The following SHISA6 variants were observed in gnomAD, a reference collection of about 807,000 sequenced individuals.
SHISA6 encodes protein shisa-6.
Under a neutral mutation model 47.9 loss-of-function variants are expected in SHISA6, and 22 were observed. That is an observed-to-expected ratio of 0.46 (90% CI 0.33 to 0.66). The LOEUF (loss-of-function observed/expected upper bound fraction) is 0.66, where lower values mean the gene tolerates loss of function less well. SHISA6 is among the 30% of genes least tolerant of loss of function. The probability of loss-of-function intolerance (pLI) is 0.02; values close to 1 mark genes in which losing one functional copy is unlikely to be tolerated. For missense variants in SHISA6, 680 were observed against 764.6 expected, an observed-to-expected ratio of 0.89 and a Z score of 1.30; for synonymous variants, 388 against 337.8, an observed-to-expected ratio of 1.15 and a Z score of -1.63.
chr17:11,535,734 T>G (rs964885252), intron 3 of SHISA6, among the ~76,000 whole-genome samples: 20 of 152,214 alleles, frequency 1.3e-4, no homozygotes, highest in African/African-American at 3.9e-4. Context: ...CAGGTTCAGC[T>G]ACTTATTTTT....
At chr17:11,372,872 T>A (rs1912673276) in intron 2 of SHISA6, among the ~76,000 whole-genome samples, 1 of 152,130 alleles carries the variant, frequency 6.6e-6, no homozygotes, top group South Asian at 2.1e-4. Flanking sequence ...GGGCACATAA[T>A]GCATTTCAAG....
chr17:11,417,234 G>T (rs938362672), intron 3 of SHISA6, among the ~76,000 whole-genome samples: 128 of 152,158 alleles, frequency 8.4e-4, no homozygotes, highest in African/African-American at 3.0e-3. Flanking sequence ...GTTTGACTGG[G>T]TTTTTTCAGA....
chr17:11,454,497 G>T (rs1043027297), intron 3 of SHISA6, among the ~76,000 whole-genome samples: 2 of 152,142 alleles, frequency 1.3e-5, no homozygotes, highest in African/African-American at 4.8e-5. Context: ...TCTGCATTCT[G>T]GCCCATGGCT....
chr17:11,442,559 A>G (rs969212655), intron 3 of SHISA6, among the ~76,000 whole-genome samples: 3 of 152,194 alleles, frequency 2.0e-5, no homozygotes, highest in African/African-American at 7.2e-5. Context: ...TGGGACTAAT[A>G]ATGGTACCTC....
At chr17:11,320,384 G>A (rs927512342) in intron 2 of SHISA6, among the ~76,000 whole-genome samples, 5 of 152,138 alleles carry the variant, frequency 3.3e-5, no homozygotes, top group African/African-American at 1.2e-4. Context: ...AAGAGGCTGG[G>A]TGCTGTGGCT....
At chr17:11,290,242 A>G (rs1342716826) in intron 2 of SHISA6, 4 of 152,154 alleles carry the variant, frequency 2.6e-5, no homozygotes, top group Non-Finnish European at 4.4e-5. Context: ...CATATGTACA[A>G]CTAATTTTTG....
chr17:11,550,472 G>A (rs987679362), intron 3 of SHISA6, among the ~76,000 whole-genome samples: 39 of 152,214 alleles, frequency 2.6e-4, no homozygotes, highest in Middle Eastern at 6.8e-3. Flanking sequence ...AATTGAGAGT[G>A]GAGCTAAAAG....
intron 3 of SHISA6, among the ~76,000 whole-genome samples, chr17:11,429,627 A>G (rs1597509070): frequency 1.3e-5 from 2 of 151,084 alleles, no homozygotes; most frequent in East Asian, 4.1e-4. Flanking sequence ...ACTTAAAAAA[A>G]AAAAAAAAAA....
At chr17:11,410,327 C>T (rs1223060914) in intron 3 of SHISA6, among the ~76,000 whole-genome samples, 1 of 152,140 alleles carries the variant, frequency 6.6e-6, no homozygotes, top group African/African-American at 2.4e-5. Context: ...TATCTTGTAC[C>T]AGCAGGTCCT....
At chr17:11,458,825 T>G (rs1158496937) in intron 3 of SHISA6, among the ~76,000 whole-genome samples, 1 of 152,124 alleles carries the variant, frequency 6.6e-6, no homozygotes, top group Non-Finnish European at 1.5e-5. Context: ...CCTCTCTGGG[T>G]CCCGATGTCT....
At chr17:11,539,712 T>G (rs933949308) in intron 3 of SHISA6, among the ~76,000 whole-genome samples, 4 of 152,228 alleles carry the variant, frequency 2.6e-5, no homozygotes, top group African/African-American at 9.6e-5. Flanking sequence ...GCAAACAGCC[T>G]TGGAGCTCAA....
At chr17:11,504,346 C>A (rs2071480131) in intron 3 of SHISA6, among the ~76,000 whole-genome samples, 1 of 152,162 alleles carries the variant, frequency 6.6e-6, no homozygotes, top group African/African-American at 2.4e-5. Flanking sequence ...TTTTAAAGCA[C>A]TCTGCAAAAT....
At chr17:11,464,117 A>G (rs564462657) in intron 3 of SHISA6, among the ~76,000 whole-genome samples, 2 of 152,078 alleles carry the variant, frequency 1.3e-5, no homozygotes, top group East Asian at 3.9e-4. Context: ...GGGTCTTGCT[A>G]TGTTGCCCAG....
chr17:11,366,878 T>C (rs543010234), intron 2 of SHISA6, among the ~76,000 whole-genome samples: 1 of 152,338 alleles, frequency 6.6e-6, no homozygotes, highest in South Asian at 2.1e-4. Flanking sequence ...CCATAAAAGA[T>C]ATGTTGAAGT....
chr17:11,384,824 TAG>T (rs1322037424), intron 3 of SHISA6, among the ~76,000 whole-genome samples: 28 of 149,614 alleles, frequency 1.9e-4, no homozygotes, highest in Non-Finnish European at 1.9e-4. Context: ...GGGTGGGAGT[TAG>T]AGAGAGAGAG....
rs533394293 is a variant in SHISA6 at position 11,543,393 on chromosome 17, A to G, written c.896-8503A>G. On this transcript the variant is annotated intron_variant, in intron 3 of 5. Coordinates refer to ENST00000441885, the MANE Select transcript of SHISA6 (RefSeq NM_207386.4). ...TGAGGATTGTGATGAGGTGAGACAC[A>G]TATGCAATCCCTAGAAGAGCCACTA... Among the ~76,000 whole-genome samples the G allele has an allele frequency of 2.0e-5, 3 of 152,318 alleles. No individual in the cohort carries two copies. The East Asian group carries it at 5.8e-4, about 29-fold the overall frequency.
At chr17:11,322,129 G>C (rs982645813) in intron 2 of SHISA6, among the ~76,000 whole-genome samples, 2 of 151,952 alleles carry the variant, frequency 1.3e-5, no homozygotes, top group East Asian at 3.9e-4. Flanking sequence ...TGCAATGTAA[G>C]GTTTTTTCAG....
intron 3 of SHISA6, among the ~76,000 whole-genome samples, chr17:11,530,035 CT>C (rs1460919602): frequency 1.2e-4 from 19 of 152,096 alleles, no homozygotes; most frequent in African/African-American, 4.3e-4. Flanking sequence ...ACACCTAGTG[CT>C]GCTCAGGGTG....
chr17:11,321,666 C>T (rs1272644431), intron 2 of SHISA6, among the ~76,000 whole-genome samples: 1 of 151,922 alleles, frequency 6.6e-6, no homozygotes, highest in South Asian at 2.1e-4. Flanking sequence ...TAGCTGGTCC[C>T]TCCGTTTTTT....
Sources: gnomAD v4.1 joint callset for allele counts (sites outside exome capture counted in the v4.1 genomes callset) on GRCh38, gnomAD v4.1.1 for gene constraint, MANE v1.5 for transcripts, NCBI Gene and HGNC (gene_info 2026-07-23, HGNC 2026-07-21) for gene names.